ZNF83: variants seen among roughly 807,000 people sequenced by gnomAD.
ZNF83 encodes the protein zinc finger protein 83.
For missense variants in ZNF83, 552 were observed against 629.9 expected, an observed-to-expected ratio of 0.88 and a Z score of 1.32; for synonymous variants, 209 against 213.0, an observed-to-expected ratio of 0.98 and a Z score of 0.17.
chr19:52,629,365 C>G (rs1227562511), intron 2 of ZNF83, among the ~76,000 whole-genome samples: 50 of 152,104 alleles, frequency 3.3e-4, no homozygotes, highest in Non-Finnish European at 4.4e-5. Flanking sequence ...CCTGCCTGTT[C>G]CCTCAGTCCC....
At chr19:52,623,779 A>G (rs2060634462) in intron 2 of ZNF83, among the ~76,000 whole-genome samples, 1 of 152,156 alleles carries the variant, frequency 6.6e-6, no homozygotes, top group Admixed American at 6.5e-5. Flanking sequence ...CGCCTGCTAC[A>G]GCATGAGCTT....
intron 1 of ZNF83, among the ~76,000 whole-genome samples, chr19:52,682,572 G>A (rs891648404): frequency 1.3e-5 from 2 of 152,094 alleles, no homozygotes; most frequent in Non-Finnish European, 2.9e-5. Context: ...TCAGGAGGCT[G>A]AGGCAGAATT....
intron 3 of ZNF83, among the ~76,000 whole-genome samples, chr19:52,649,490 T>C (rs866538750): frequency 6.6e-6 from 1 of 152,046 alleles, no homozygotes; most frequent in African/African-American, 2.4e-5. Context: ...AGACCAGAAA[T>C]TCCCGACCCA....
intron 1 of ZNF83, among the ~76,000 whole-genome samples, chr19:52,666,306 G>GTA (rs1350078677): frequency 6.6e-6 from 1 of 152,072 alleles, no homozygotes; most frequent in Non-Finnish European, 1.5e-5. Flanking sequence ...AGAGAAAACA[G>GTA]TATACCCTAT....
At chr19:52,648,356 T>C (rs1405074306) in intron 3 of ZNF83, among the ~76,000 whole-genome samples, 1 of 152,112 alleles carries the variant, frequency 6.6e-6, no homozygotes, top group Non-Finnish European at 1.5e-5. Flanking sequence ...GCTTAGCAGC[T>C]CACTTCAAGG....
chr19:52,687,194 A>G (rs1057006539), intron 1 of ZNF83, among the ~76,000 whole-genome samples: 4 of 148,874 alleles, frequency 2.7e-5, no homozygotes, highest in African/African-American at 9.9e-5. Flanking sequence ...AAAAAAAAAA[A>G]AAAGTACTAT....
chr19:52,625,223 A>G (rs2060695322), intron 2 of ZNF83, among the ~76,000 whole-genome samples: 1 of 152,112 alleles, frequency 6.6e-6, no homozygotes. Context: ...GCCTAAACTC[A>G]GGCCCTCACT....
rs112408119 is a variant in ZNF83 at position 52,612,890 on chromosome 19, G to A, written c.*124C>T. Reference sequence around the variant, plus strand: ...TTCTGTCCTCTATGGTCTAGCTAACGGTTATTAAGCCTTGAACAAAAACTA... The same window carrying A: ...TTCTGTCCTCTATGGTCTAGCTAACAGTTATTAAGCCTTGAACAAAAACTA... On this transcript the variant is annotated 3_prime_UTR_variant, in exon 3 of 3. Transcript: ENST00000301096. The A allele has an allele frequency of 2.8e-5, 22 of 781,968 alleles. 1 individual carries two copies. Among genetic ancestry groups the A allele is most frequent in the Middle Eastern group, 3.4e-4 (1 of 2,916 alleles). The allele number at this position is 781,968 out of a possible 1,614,324, so 48.4% of individuals were successfully genotyped here.
chr19:52,620,270 C>CTGTGTGTGTGTGTG (rs377267661), intron 2 of ZNF83, among the ~76,000 whole-genome samples: 2,042 of 144,442 alleles, frequency 0.014, 35 homozygotes, highest in Middle Eastern at 0.038. Context: ...GTGTATATCT[C>CTGTGTGTGTGTGTG]TGTGTGTGTG....
chr19:52,614,674 C>G (rs2060244827), exon 3 of ZNF83: 4 of 1,364,832 alleles, frequency 2.9e-6, no homozygotes, highest in East Asian at 2.6e-5. Context: ...CTGGGTTTCT[C>G]TGAAGCAAAA....
Position 52,648,460 on chromosome 19 carries a change from A to AG in ZNF83, c.-74+7100_-74+7101insC, listed in dbSNP as rs1555787410. Among the ~76,000 whole-genome samples the AG allele has an allele frequency of 5.1e-3, 780 of 151,912 alleles. 5 individuals are homozygous for AG. Among genetic ancestry groups the AG allele is most frequent in the African/African-American group, 0.017 (686 of 41,456 alleles). On this transcript the variant is annotated intron_variant, in intron 3 of 5. Transcript: ENST00000594682. ...CCAGAACAAAGTGAAGGAAAAAAAA[A>AG]AGAGAGAGAGAGAGAAAGACAAATT...
At chr19:52,687,611 A>AT (rs2062060810) in intron 1 of ZNF83, among the ~76,000 whole-genome samples, 1 of 28,308 alleles carries the variant, frequency 3.5e-5, no homozygotes, top group African/African-American at 4.1e-4. Context: ...ATATATATAT[A>AT]ATGTGTATAT....
intron 1 of ZNF83, among the ~76,000 whole-genome samples, chr19:52,663,889 CTTTAT>C (rs1237047487): frequency 1.3e-5 from 2 of 152,146 alleles, no homozygotes; most frequent in East Asian, 3.9e-4. Context: ...ATTTATTTTA[CTTTAT>C]TTTATTTTAT....
At chr19:52,626,514 T>G (rs1049303397) in intron 2 of ZNF83, among the ~76,000 whole-genome samples, 1 of 152,222 alleles carries the variant, frequency 6.6e-6, no homozygotes, top group East Asian at 1.9e-4. Flanking sequence ...TCTAACTGAG[T>G]GTCTTGGCTA....
At chr19:52,631,010 G>A (rs1568546910) in intron 2 of ZNF83, among the ~76,000 whole-genome samples, 1 of 147,948 alleles carries the variant, frequency 6.8e-6, no homozygotes, top group East Asian at 2.0e-4. Flanking sequence ...CCATTATTCT[G>A]TTCTGGATCT....
intron 3 of ZNF83, among the ~76,000 whole-genome samples, chr19:52,648,817 C>G (rs79838449): frequency 6.6e-6 from 1 of 152,046 alleles, no homozygotes; most frequent in Non-Finnish European, 1.5e-5. Context: ...CTAGTCACTA[C>G]GGAGTCTGAC....
rs1982228921 is a variant in ZNF83, at chr19:52,654,434, A to G, written c.-74+1127T>C. On this transcript the variant is annotated intron_variant, in intron 3 of 5. Coordinates refer to the ZNF83 transcript ENST00000594682. ...AAATATAAAGACCAATAGGTTTCCA[A>G]TTAAGTACAGATGGTAAATAATATT... The G allele has an allele frequency of 5.8e-6, 5 of 856,474 alleles. No individual in the cohort carries two copies. The Admixed American group carries it at 1.1e-4, about 18-fold the overall frequency. The allele number at this position is 856,474 out of a possible 1,614,324, so 53.1% of individuals were successfully genotyped here.
intron 1 of ZNF83, among the ~76,000 whole-genome samples, chr19:52,680,675 C>A (rs570384599): frequency 7.7e-6 from 1 of 129,928 alleles, no homozygotes; most frequent in Non-Finnish European, 1.5e-5. Flanking sequence ...TGCAGTGGCG[C>A]GATCTCGGCT....
At chr19:52,647,916 A>C in intron 3 of ZNF83, among the ~76,000 whole-genome samples, 2 of 146,022 alleles carry the variant, frequency 1.4e-5, no homozygotes, top group East Asian at 2.0e-4. Flanking sequence ...CTCTGTACCC[A>C]CTCTCTGGCA....
Sources: allele counts gnomAD v4.1 joint callset (sites outside exome capture counted in the v4.1 genomes callset), GRCh38; gene constraint gnomAD v4.1.1; transcripts MANE v1.5; gene names NCBI Gene and HGNC (gene_info 2026-07-23, HGNC 2026-07-21).